KIF1B: variants seen among roughly 807,000 people sequenced by gnomAD.
KIF1B encodes kinesin family member 1B, also known as kinesin-like protein KIF1B.
A neutral mutation model predicts 241.9 loss-of-function variants in KIF1B; 76 were observed. That is an observed-to-expected ratio of 0.31 (90% CI 0.26 to 0.38). The LOEUF (loss-of-function observed/expected upper bound fraction) is 0.38. Ranked by LOEUF, KIF1B falls within the 10% of genes least tolerant of loss-of-function variation. The probability of loss-of-function intolerance (pLI) is 1.00; values close to 1 mark genes in which losing one functional copy is unlikely to be tolerated. For missense variants in KIF1B, 1,622 were observed against 2,271.4 expected, an observed-to-expected ratio of 0.71 and a Z score of 5.81; for synonymous variants, 750 against 796.7, an observed-to-expected ratio of 0.94 and a Z score of 0.99.
At chr1:10,263,556 G>GT (rs1648276648) in intron 5 of KIF1B, among the ~76,000 whole-genome samples, 1 of 152,094 alleles carries the variant, frequency 6.6e-6, no homozygotes, top group African/African-American at 2.4e-5. Context: ...TTGCTTTGGA[G>GT]TTTTTTCTTC....
intron 2 of KIF1B, among the ~76,000 whole-genome samples, chr1:10,233,085 G>C (rs1285707191): frequency 1.3e-5 from 2 of 152,116 alleles, no homozygotes; most frequent in Non-Finnish European, 2.9e-5. Context: ...CAGAAGAATC[G>C]TCACCCTTTC....
At chr1:10,212,563 C>T (rs1322569757) in intron 1 of KIF1B, among the ~76,000 whole-genome samples, 3 of 152,066 alleles carry the variant, frequency 2.0e-5, no homozygotes, top group Non-Finnish European at 1.5e-5. Context: ...TAAATACATT[C>T]TCATAACTTC....
intron 1 of KIF1B, among the ~76,000 whole-genome samples, chr1:10,228,353 A>G (rs1322422079): frequency 7.3e-6 from 1 of 136,764 alleles, no homozygotes; most frequent in Non-Finnish European, 1.6e-5. Context: ...TGATCTATTA[A>G]TGAAGTTTTT....
intron 1 of KIF1B, among the ~76,000 whole-genome samples, chr1:10,228,250 A>G (rs1406673824): frequency 6.6e-6 from 1 of 152,104 alleles, no homozygotes; most frequent in Non-Finnish European, 1.5e-5. Flanking sequence ...TTATCCTGGA[A>G]TATTTTATAC....
chr1:10,229,726 T>C (rs922786967), intron 1 of KIF1B, among the ~76,000 whole-genome samples: 2 of 150,214 alleles, frequency 1.3e-5, no homozygotes, highest in African/African-American at 4.9e-5. Flanking sequence ...CCAGGCGTGG[T>C]GGCAGGCGCC....
chr1:10,322,123 G>A (rs1651547659), intron 24 of KIF1B, among the ~76,000 whole-genome samples: 1 of 152,120 alleles, frequency 6.6e-6, no homozygotes, highest in African/African-American at 2.4e-5. Context: ...GAGAAACATA[G>A]TAATAGAAAA....
chr1:10,256,207 A>G (rs1647771479), intron 2 of KIF1B, 40 bp from the exon 3 acceptor site: 1 of 1,234,914 alleles, frequency 8.1e-7, no homozygotes, highest in Non-Finnish European at 1.2e-6. Context: ...AAGAACTTGT[A>G]ATTGAGTGAC....
At position 10,267,571 on chromosome 1, in the gene KIF1B, A is replaced by G. The variant is rs1280550131; in HGVS notation, c.608+13A>G. 8.7e-6 allele frequency: 14 copies of G among 1,613,660 alleles called. No individual in the cohort carries two copies. Among genetic ancestry groups the G allele is most frequent in the East Asian group, 6.7e-5 (3 of 44,878 alleles). On this transcript the variant is annotated intron_variant, in intron 6 of 48. Transcript: ENST00000676179. ...GGAACAAAGCCAGGTATGGTAGGAA[A>G]TAGAGTAATGACTGAGGTCTTTGGC...
chr1:10,372,649 GCTTGGGTGACAGAGC>G (rs1289549761), intron 45 of KIF1B, among the ~76,000 whole-genome samples: 3 of 123,430 alleles, frequency 2.4e-5, no homozygotes, highest in Admixed American at 7.7e-5. Flanking sequence ...CTGCGCGCCA[GCTTGGGTGACAGAGC>G]TGTCACCCAA....
intron 22 of KIF1B, among the ~76,000 whole-genome samples, chr1:10,310,417 A>G (rs1651016824): frequency 1.3e-5 from 2 of 151,564 alleles, no homozygotes; most frequent in African/African-American, 4.9e-5. Flanking sequence ...TAGATAGTAA[A>G]TATTTTAGAC....
At chr1:10,375,589 T>C (rs1280107103) in intron 48 of KIF1B, among the ~76,000 whole-genome samples, 7 of 152,004 alleles carry the variant, frequency 4.6e-5, no homozygotes, top group African/African-American at 1.7e-4. Context: ...TTTACCACAA[T>C]GGCCAGGCTG....
chr1:10,368,045 G>A (rs1638624336), intron 43 of KIF1B, among the ~76,000 whole-genome samples: 1 of 152,006 alleles, frequency 6.6e-6, no homozygotes, highest in African/African-American at 2.4e-5. Flanking sequence ...GGTGTTTTTA[G>A]TAATTCACTT....
chr1:10,285,450 A>G (rs552759206), intron 15 of KIF1B, among the ~76,000 whole-genome samples: 7 of 152,324 alleles, frequency 4.6e-5, no homozygotes, highest in African/African-American at 1.7e-4. Context: ...TAACACTGTC[A>G]TTATTCAGGG....
intron 15 of KIF1B, among the ~76,000 whole-genome samples, chr1:10,286,841 A>T (rs528966907): frequency 1.3e-4 from 19 of 147,712 alleles, no homozygotes; most frequent in Admixed American, 6.8e-4. Flanking sequence ...GTTTTTTGGA[A>T]TTTTTTTTTT....
At chr1:10,298,050 A>G (rs1308946475) in intron 22 of KIF1B, among the ~76,000 whole-genome samples, 1 of 152,244 alleles carries the variant, frequency 6.6e-6, no homozygotes, top group African/African-American at 2.4e-5. Context: ...TTCATTTTTA[A>G]AGCCAACCAA....
chr1:10,324,443 G>A (rs527847034), intron 25 of KIF1B, among the ~76,000 whole-genome samples: 1 of 152,068 alleles, frequency 6.6e-6, no homozygotes, highest in South Asian at 2.1e-4. Context: ...GTATAATGAG[G>A]TATTTCCCCC....
intron 22 of KIF1B, among the ~76,000 whole-genome samples, chr1:10,316,300 CAT>C (rs1651302651): frequency 6.6e-6 from 1 of 151,486 alleles, no homozygotes; most frequent in Non-Finnish European, 1.5e-5. Context: ...CATCAGTAGA[CAT>C]AAAATGTCAG....
chr1:10,241,468 C>G (rs1647136088), intron 2 of KIF1B, among the ~76,000 whole-genome samples: 1 of 152,086 alleles, frequency 6.6e-6, no homozygotes, highest in Non-Finnish European at 1.5e-5. Flanking sequence ...AATAACTGAA[C>G]CTATCACTAA....
At chr1:10,276,171 G>T in intron 11 of KIF1B, 150 bp from the exon 12 acceptor site, 2 of 660,574 alleles carry the variant, frequency 3.0e-6, no homozygotes, top group Admixed American at 4.5e-5. Context: ...GTGAAAGAGT[G>T]AGACTCCCTC....
Sources: allele counts gnomAD v4.1 joint callset (sites outside exome capture counted in the v4.1 genomes callset), GRCh38; gene constraint gnomAD v4.1.1; transcripts MANE v1.5; gene names NCBI Gene and HGNC (gene_info 2026-07-23, HGNC 2026-07-21).